Variants in INPP4B observed in about 807,000 individuals in gnomAD.
The protein encoded by INPP4B is inositol polyphosphate 4-phosphatase type II.
Under a neutral mutation model 122.5 loss-of-function variants are expected in INPP4B, and 55 were observed. That is an observed-to-expected ratio of 0.45 (90% CI 0.36 to 0.56). The LOEUF (loss-of-function observed/expected upper bound fraction) is 0.56, where lower values mean the gene tolerates loss of function less well. Ranked by LOEUF, INPP4B falls within the 20% of genes least tolerant of loss-of-function variation. The pLI is 0.00. For synonymous variants in INPP4B, 403 were observed against 388.7 expected, an observed-to-expected ratio of 1.04 and a Z score of -0.43; for missense variants, 1,000 against 1,097.7, an observed-to-expected ratio of 0.91 and a Z score of 1.26.
chr4:142,343,641 A>G (rs2151723362), intron 7 of INPP4B, among the ~76,000 whole-genome samples: 1 of 152,158 alleles, frequency 6.6e-6, no homozygotes, highest in African/African-American at 2.4e-5. Context: ...CAATAGCTCA[A>G]AATCATCCCT....
chr4:142,304,298 G>A (rs901152586), intron 9 of INPP4B, among the ~76,000 whole-genome samples: 15 of 152,022 alleles, frequency 9.9e-5, no homozygotes, highest in African/African-American at 3.6e-4. Flanking sequence ...AAACTGTATT[G>A]TAATAATATC....
intron 12 of INPP4B, among the ~76,000 whole-genome samples, chr4:142,221,404 A>G (rs1289239378): frequency 1.3e-5 from 2 of 150,578 alleles, no homozygotes; most frequent in African/African-American, 4.9e-5. Context: ...AAAAAAAAAA[A>G]AAAAAAAAAA....
chr4:142,634,967 G>A (rs1045702229), intron 2 of INPP4B, among the ~76,000 whole-genome samples: 4 of 151,936 alleles, frequency 2.6e-5, no homozygotes, highest in South Asian at 2.1e-4. Flanking sequence ...TGCATCTGAC[G>A]AAGGTCTAAT....
At chr4:142,438,315 T>C (rs768053321) in intron 3 of INPP4B, among the ~76,000 whole-genome samples, 3 of 152,116 alleles carry the variant, frequency 2.0e-5, no homozygotes, top group Non-Finnish European at 4.4e-5. Flanking sequence ...TACAAGGCTA[T>C]AGTAACCAAA....
At chr4:142,281,119 T>C (rs561944173) in intron 9 of INPP4B, among the ~76,000 whole-genome samples, 10 of 149,962 alleles carry the variant, frequency 6.7e-5, no homozygotes, top group African/African-American at 7.4e-5. Flanking sequence ...TTTTTTTTTT[T>C]GTATTTTTAG....
At chr4:142,556,576 C>A (rs1222541508) in intron 2 of INPP4B, among the ~76,000 whole-genome samples, 1 of 151,938 alleles carries the variant, frequency 6.6e-6, no homozygotes, top group Non-Finnish European at 1.5e-5. Context: ...CACCAATGAC[C>A]AAAATGGGGT....
intron 17 of INPP4B, among the ~76,000 whole-genome samples, chr4:142,157,586 T>G (rs1817900774): frequency 6.6e-6 from 1 of 152,122 alleles, no homozygotes; most frequent in African/African-American, 2.4e-5. Context: ...CCTTCATTAT[T>G]GCCCAATCCT....
At chr4:142,790,694 CTGAT>C (rs1272473461) in intron 1 of INPP4B, among the ~76,000 whole-genome samples, 1 of 151,960 alleles carries the variant, frequency 6.6e-6, no homozygotes, top group Non-Finnish European at 1.5e-5. Context: ...TGTAATTAAA[CTGAT>C]TAACTATTAA....
At chr4:142,494,087 TGAA>T (rs1208466645) in intron 2 of INPP4B, among the ~76,000 whole-genome samples, 6 of 152,172 alleles carry the variant, frequency 3.9e-5, no homozygotes, top group Admixed American at 1.3e-4. Flanking sequence ...TGCTGCCATT[TGAA>T]GAAGAACATG....
At chr4:142,819,052 C>T (rs1030256096) in intron 1 of INPP4B, among the ~76,000 whole-genome samples, 1 of 152,082 alleles carries the variant, frequency 6.6e-6, no homozygotes, top group East Asian at 1.9e-4. Context: ...TCCAGTCATG[C>T]GTTGTGTGCT....
At chr4:142,433,151 T>C (rs1809691856) in intron 3 of INPP4B, among the ~76,000 whole-genome samples, 1 of 152,198 alleles carries the variant, frequency 6.6e-6, no homozygotes, top group Admixed American at 6.5e-5. Flanking sequence ...GTACTTGTTA[T>C]CCAAGTACAC....
At chr4:142,364,893 G>C (rs1786858499) in intron 7 of INPP4B, among the ~76,000 whole-genome samples, 1 of 152,010 alleles carries the variant, frequency 6.6e-6, no homozygotes, top group East Asian at 1.9e-4. Flanking sequence ...TCATGCAAGG[G>C]ACAACTAACT....
chr4:142,204,582 T>G (rs1272358625), intron 14 of INPP4B, among the ~76,000 whole-genome samples: 1 of 152,172 alleles, frequency 6.6e-6, no homozygotes. Context: ...GTGACTTTAT[T>G]TGGAAATAAG....
At chr4:142,328,313 T>TA (rs56752148) in intron 7 of INPP4B, among the ~76,000 whole-genome samples, 3,920 of 152,304 alleles carry the variant, frequency 0.026, 170 homozygotes, top group African/African-American at 0.09. Context: ...ACTAACTACA[T>TA]ACTGAAACCT....
chr4:142,789,833 C>T (rs745764411), intron 1 of INPP4B, among the ~76,000 whole-genome samples: 54 of 152,092 alleles, frequency 3.6e-4, no homozygotes, highest in Non-Finnish European at 5.7e-4. Flanking sequence ...TGATTTCTAA[C>T]TATACTAAAA....
intron 11 of INPP4B, among the ~76,000 whole-genome samples, chr4:142,247,353 G>A (rs532242341): frequency 3.3e-5 from 5 of 152,198 alleles, no homozygotes; most frequent in African/African-American, 7.2e-5. Flanking sequence ...GTTTGGAATC[G>A]TTTCAGAAGG....
chr4:142,468,879 T>C (rs1409198551), intron 2 of INPP4B, among the ~76,000 whole-genome samples: 2 of 152,208 alleles, frequency 1.3e-5, no homozygotes, highest in Admixed American at 1.3e-4. Context: ...CAGGTTTTCA[T>C]GGGTTCTGAG....
At chr4:142,583,119 T>A (rs910324876) in intron 2 of INPP4B, among the ~76,000 whole-genome samples, 21 of 152,078 alleles carry the variant, frequency 1.4e-4, no homozygotes, top group Admixed American at 9.8e-4. Context: ...TAACATTGGA[T>A]CTCTTACACC....
rs1348220467 is a variant in INPP4B, at chr4:142,026,712, C to G, written c.*2070G>C. ...CAATTCCTGACCTCAGGTGATCTAT[C>G]CACCTTGGCTCCCAAAGTGCTGGGA... On this transcript the variant is annotated 3_prime_UTR_variant, in exon 26 of 26. Coordinates refer to ENST00000262992, the MANE Select transcript of INPP4B (RefSeq NM_001101669.3). 1 of 152,130 alleles carries G rather than the reference C, an allele frequency of 6.6e-6. No individual in the cohort carries two copies. Among genetic ancestry groups the G allele is most frequent in the African/African-American group, 2.4e-5 (1 of 41,416 alleles). The allele number at this position is 152,130 out of a possible 1,614,324, so 9.4% of individuals were successfully genotyped here.
Sources: allele counts gnomAD v4.1 joint callset (sites outside exome capture counted in the v4.1 genomes callset), GRCh38; gene constraint gnomAD v4.1.1; transcripts MANE v1.5; gene names NCBI Gene and HGNC (gene_info 2026-07-23, HGNC 2026-07-21).